The following PARN variants were observed in gnomAD, a reference collection of about 807,000 sequenced individuals.
PARN encodes poly(A)-specific ribonuclease.
A neutral mutation model predicts 102.8 loss-of-function variants in PARN; 71 were observed. The ratio of observed to expected loss-of-function variants is 0.69; its 90% CI spans 0.57 to 0.84. PARN has a LOEUF of 0.84. Ranked by LOEUF, PARN falls within the 40% of genes least tolerant of loss-of-function variation. PARN has a pLI of 0.00. For synonymous variants in PARN, 261 were observed against 252.9 expected, an observed-to-expected ratio of 1.03 and a Z score of -0.30; for missense variants, 782 against 760.9, an observed-to-expected ratio of 1.03 and a Z score of -0.33.
chr16:14,460,666 C>T (rs1472695501), intron 22 of PARN, among the ~76,000 whole-genome samples: 1 of 152,052 alleles, frequency 6.6e-6, no homozygotes, highest in Non-Finnish European at 1.5e-5. Context: ...AAGGTAAAGC[C>T]ACAACATTTA....
At chr16:14,442,274 T>C (rs1248670727) in intron 23 of PARN, among the ~76,000 whole-genome samples, 2 of 152,148 alleles carry the variant, frequency 1.3e-5, no homozygotes, top group Non-Finnish European at 2.9e-5. Flanking sequence ...AGAACAAGTA[T>C]GTGACAGAAA....
intron 21 of PARN, among the ~76,000 whole-genome samples, chr16:14,547,464 G>C (rs1967025181): frequency 6.6e-6 from 1 of 152,148 alleles, no homozygotes; most frequent in South Asian, 2.1e-4. Flanking sequence ...CCAGCACTTT[G>C]GGAACCCAAG....
At chr16:14,555,401 G>A (rs1967619029) in intron 19 of PARN, among the ~76,000 whole-genome samples, 1 of 152,120 alleles carries the variant, frequency 6.6e-6, no homozygotes, top group Non-Finnish European at 1.5e-5. Flanking sequence ...AATTCTGAGT[G>A]AAAATGAAAT....
chr16:14,574,544 C>T (rs1968998520), intron 18 of PARN, among the ~76,000 whole-genome samples: 1 of 152,014 alleles, frequency 6.6e-6, no homozygotes, highest in African/African-American at 2.4e-5. Context: ...GAAATCCCAC[C>T]TCTACTAAAA....
chr16:14,497,140 G>A (rs759654227), intron 21 of PARN, among the ~76,000 whole-genome samples: 2 of 151,974 alleles, frequency 1.3e-5, no homozygotes, highest in African/African-American at 2.4e-5. Context: ...ACTCTCATAC[G>A]TCCTTTTCTT....
At position 14,627,152 on chromosome 16, in the gene PARN, G is replaced by C; in HGVS notation, c.281C>G (p.Pro94Arg). 6.2e-7 allele frequency: 1 copy of C among 1,605,886 alleles called. No individual in the cohort carries two copies. Among genetic ancestry groups the C allele is most frequent in the Non-Finnish European group, 8.5e-7 (1 of 1,173,738 alleles). Residue 94 changes from proline (P) to arginine (R), a missense_variant, in exon 5 of 24, where the codon CCG (proline) becomes CGG (arginine). Pro to Arg is a moderately radical substitution (Grantham distance 103). Coordinates refer to ENST00000437198, the MANE Select transcript of PARN (RefSeq NM_002582.4). ...TGGTGAGGATCTATTGAAGGGTTTC[G>C]GGAAAACATAGAAGTTAAATGACTT... ...ITKSFNFYVF[P>R]KPFNRSSPDV...
intron 22 of PARN, among the ~76,000 whole-genome samples, chr16:14,455,629 A>G (rs1471429921): frequency 6.6e-6 from 1 of 152,044 alleles, no homozygotes; most frequent in Non-Finnish European, 1.5e-5. Flanking sequence ...TACATCTTCC[A>G]ACAAGACTTG....
intron 21 of PARN, among the ~76,000 whole-genome samples, chr16:14,504,706 T>C (rs1399217483): frequency 1.3e-5 from 2 of 152,174 alleles, no homozygotes; most frequent in Admixed American, 1.3e-4. Flanking sequence ...GTAACATGAA[T>C]GCCTCTCTCA....
At chr16:14,614,948 G>T (rs1200512934) in intron 6 of PARN, among the ~76,000 whole-genome samples, 5 of 151,120 alleles carry the variant, frequency 3.3e-5, no homozygotes, top group Admixed American at 3.3e-4. Flanking sequence ...GCACAGCCTG[G>T]CCAGAGGAAG....
intron 22 of PARN, among the ~76,000 whole-genome samples, chr16:14,461,155 T>C (rs937800117): frequency 6.6e-6 from 1 of 152,184 alleles, no homozygotes; most frequent in Non-Finnish European, 1.5e-5. Flanking sequence ...AATTTCATCC[T>C]GAAACTGTCA....
At chr16:14,515,783 T>C (rs1479681770) in intron 21 of PARN, among the ~76,000 whole-genome samples, 1 of 152,008 alleles carries the variant, frequency 6.6e-6, no homozygotes, top group Non-Finnish European at 1.5e-5. Context: ...ATTTTTTTTT[T>C]TTTTAAATTA....
At chr16:14,471,768 G>C (rs1458341503) in intron 22 of PARN, among the ~76,000 whole-genome samples, 3 of 152,276 alleles carry the variant, frequency 2.0e-5, no homozygotes, top group Admixed American at 6.5e-5. Context: ...TTGTCTTTTT[G>C]TGATGGGCTT....
intron 18 of PARN, among the ~76,000 whole-genome samples, chr16:14,573,583 T>TGATA (rs1567401459): frequency 6.6e-6 from 1 of 152,248 alleles, no homozygotes; most frequent in Non-Finnish European, 1.5e-5. Flanking sequence ...CGACGGAAGA[T>TGATA]GATACGCTTT....
chr16:14,437,924 C>G (rs1960775578), intron 23 of PARN, among the ~76,000 whole-genome samples: 1 of 152,150 alleles, frequency 6.6e-6, no homozygotes, highest in African/African-American at 2.4e-5. Context: ...AGAATTTCAG[C>G]TAACATGAGA....
intron 22 of PARN, among the ~76,000 whole-genome samples, chr16:14,457,220 C>T (rs143073234): frequency 2.0e-4 from 30 of 152,298 alleles, no homozygotes; most frequent in African/African-American, 6.7e-4. Context: ...AATGAAAGCA[C>T]ATTCCCTACT....
At chr16:14,566,623 C>T (rs909836291) in intron 18 of PARN, among the ~76,000 whole-genome samples, 3 of 152,170 alleles carry the variant, frequency 2.0e-5, no homozygotes, top group Admixed American at 6.5e-5. Context: ...AACACTAATC[C>T]AATACCCTAC....
chr16:14,542,008 G>C (rs1011250451), intron 21 of PARN, among the ~76,000 whole-genome samples: 11 of 151,040 alleles, frequency 7.3e-5, no homozygotes, highest in African/African-American at 2.7e-4. Flanking sequence ...AATTATTAGA[G>C]AATGATTTTT....
intron 13 of PARN, among the ~76,000 whole-genome samples, chr16:14,590,234 C>CAAAAAA (rs11302769): frequency 2.0e-4 from 9 of 45,954 alleles, no homozygotes; most frequent in East Asian, 1.1e-3. Flanking sequence ...GACTCCATCT[C>CAAAAAA]AAAAAAAAAA....
chr16:14,511,689 G>GTATGT lies in PARN; in HGVS notation c.1481-28867_1481-28863dup, dbSNP rs539733906. ...GGTTAAATGCATCCACTATGTTATG[G>GTATGT]TATGTTATGTTATGTTATGTTATAT... On this transcript the variant is annotated intron_variant, in intron 21 of 23. Transcript: ENST00000437198. Among the ~76,000 whole-genome samples the GTATGT allele has an allele frequency of 4.1e-3, 626 of 152,126 alleles. 2 individuals carry two copies. Among genetic ancestry groups the GTATGT allele is most frequent in the Non-Finnish European group, 5.7e-3 (387 of 68,012 alleles).
Sources: gnomAD v4.1 joint callset for allele counts (sites outside exome capture counted in the v4.1 genomes callset) on GRCh38, gnomAD v4.1.1 for gene constraint, MANE v1.5 for transcripts, NCBI Gene and HGNC (gene_info 2026-07-23, HGNC 2026-07-21) for gene names.